Variants in ANKS6 observed in about 807,000 individuals in gnomAD.
ANKS6 encodes the protein ankyrin repeat and SAM domain-containing protein 6.
A neutral mutation model predicts 77.9 loss-of-function variants in ANKS6; 47 were observed. The observed-to-expected ratio is 0.60, with a 90% CI of 0.48 to 0.77. The LOEUF (loss-of-function observed/expected upper bound fraction) is 0.77, where lower values mean the gene tolerates loss of function less well. ANKS6 is among the 30% of genes least tolerant of loss of function. ANKS6 has a pLI of 0.00. For synonymous variants in ANKS6, 488 were observed against 501.7 expected (o/e 0.97, Z 0.37); for missense variants, 1,150 against 1,159.1 (o/e 0.99, Z 0.11).
At chr9:98,769,324 T>C (rs544850519) in intron 10 of ANKS6, among the ~76,000 whole-genome samples, 1 of 152,214 alleles carries the variant, frequency 6.6e-6, no homozygotes, top group Non-Finnish European at 1.5e-5. Context: ...AAAATAGGCA[T>C]ACTCACAAAC....
chr9:98,771,261 T>C lies in ANKS6; in HGVS notation c.1822-215A>G, dbSNP rs72735326. On this transcript the variant is annotated intron_variant, in intron 9 of 14. Transcript: ENST00000353234. ...CTTGCCCATTAGCTCAGTGAATCCA[T>C]GTCACATCATTTCCCATGGGCCACC... Among the ~76,000 whole-genome samples, 32,751 of 152,186 alleles carry C rather than the reference T, an allele frequency of 0.22. 3,934 individuals carry two copies. The highest frequency in any genetic ancestry group is 0.35 in the East Asian group (1,825 of 5,152).
chr9:98,735,295 C>T lies in ANKS6; in HGVS notation c.*1224G>A. The T allele has an allele frequency of 1.0e-6, 1 of 997,568 alleles. No individual in the cohort carries two copies. The highest frequency in any genetic ancestry group is 1.2e-6 in the Non-Finnish European group (1 of 838,320). 61.8% of individuals were successfully genotyped at this position (997,568 alleles called of 1,614,324 possible). ...TCGGGACCATCTATTTACAGGTGTT[C>T]TCTTGCCTGTCGAGAGCCTGAAGGC... On this transcript the variant is annotated 3_prime_UTR_variant, in exon 15 of 15. Coordinates refer to ENST00000353234, the MANE Select transcript of ANKS6 (RefSeq NM_173551.5).
At chr9:98,746,091 C>T (rs1354274678) in intron 13 of ANKS6, 1 of 167,998 alleles carries the variant, frequency 6.0e-6, no homozygotes, top group East Asian at 1.6e-4. Flanking sequence ...GAGACAGAGA[C>T]AGACTGTGGA....
chr9:98,794,215 A>C (rs1382440857), intron 1 of ANKS6, among the ~76,000 whole-genome samples: 1 of 151,780 alleles, frequency 6.6e-6, no homozygotes, highest in African/African-American at 2.4e-5. Flanking sequence ...AAACACCCAC[A>C]AAAGACCAAA....
chr9:98,739,787 T>C (rs1831718884), intron 14 of ANKS6, among the ~76,000 whole-genome samples: 1 of 134,232 alleles, frequency 7.4e-6, no homozygotes, highest in Non-Finnish European at 1.5e-5. Context: ...GACGGAGTCT[T>C]GCTGTCGCCC....
chr9:98,733,271 G>A lies in ANKS6; in HGVS notation c.*3248C>T. On this transcript the variant is annotated 3_prime_UTR_variant, in exon 15 of 15. Coordinates refer to ENST00000353234, the MANE Select transcript of ANKS6 (RefSeq NM_173551.5). ...CTCCATGTAATTTTGTGGCGCTGAA[G>A]AAGAGAGGCAGGAGCCCTCCGTGGC... 1 of 985,546 alleles carries A rather than the reference G, an allele frequency of 1.0e-6. No individual in the cohort carries two copies. The highest frequency in any genetic ancestry group is 4.7e-5 in the South Asian group (1 of 21,286). 61.1% of individuals were successfully genotyped at this position (985,546 alleles called of 1,614,324 possible).
At chr9:98,766,917 T>C (rs767860738) in intron 11 of ANKS6, among the ~76,000 whole-genome samples, 103 of 151,904 alleles carry the variant, frequency 6.8e-4, no homozygotes, top group Non-Finnish European at 4.6e-4. Flanking sequence ...CTATGAAGAG[T>C]GGGGTTTTGC....
chr9:98,733,059 C>T lies in ANKS6; in HGVS notation c.*3460G>A, dbSNP rs796655275. On this transcript the variant is annotated 3_prime_UTR_variant, in exon 15 of 15. Coordinates refer to ENST00000353234, the MANE Select transcript of ANKS6 (RefSeq NM_173551.5). ...GCTGTATACCCAGCAGGCTTCATCA[C>T]CACACCATCTCACCGACATGATTGT... 3.9e-5 allele frequency: 32 copies of T among 812,462 alleles called. No homozygotes were observed. The African/African-American group carries it at 5.6e-4, about 14-fold the overall frequency. 50.3% of individuals were successfully genotyped at this position (812,462 alleles called of 1,614,324 possible).
In ANKS6 at chr9:98,772,100, C is replaced by T. The variant is rs553847871; in HGVS notation, c.1822-1054G>A. ...ATACACAGTGTCCTAATTCCCAGAACCTTTGACTGTTACCTTATGAGGCAT... is the reference window on the plus strand; with the variant it reads ...ATACACAGTGTCCTAATTCCCAGAATCTTTGACTGTTACCTTATGAGGCAT... On this transcript the variant is annotated intron_variant, in intron 9 of 14. Transcript: ENST00000353234. Among the ~76,000 whole-genome samples, 65 of 152,318 alleles carry T rather than the reference C, an allele frequency of 4.3e-4. No individual in the cohort carries two copies. In the South Asian group the frequency reaches 0.013, roughly 31 times the overall value.
At position 98,778,642 on chromosome 9, in the gene ANKS6, C is replaced by T. The variant is rs967298120; in HGVS notation, c.1369-218G>A. On this transcript the variant is annotated intron_variant, in intron 6 of 14. Transcript: ENST00000353234. ...TGACCCAGCCCTTAGGCAGTCACTTCCAATAGCCTGGAGGTGGCAGTGAAC... is the reference window on the plus strand; with the variant it reads ...TGACCCAGCCCTTAGGCAGTCACTTTCAATAGCCTGGAGGTGGCAGTGAAC... Among the ~76,000 whole-genome samples the T allele has an allele frequency of 3.3e-5, 5 of 152,226 alleles. No individual in the cohort carries two copies. The East Asian group carries it at 9.6e-4, about 29-fold the overall frequency.
intron 11 of ANKS6, among the ~76,000 whole-genome samples, chr9:98,757,571 T>C (rs1244680488): frequency 2.0e-5 from 3 of 152,168 alleles, no homozygotes; most frequent in Non-Finnish European, 2.9e-5. Context: ...GATGGTAACC[T>C]TCATCACTTA....
At chr9:98,759,105 T>C (rs1353019693) in intron 11 of ANKS6, among the ~76,000 whole-genome samples, 1 of 152,136 alleles carries the variant, frequency 6.6e-6, no homozygotes, top group Non-Finnish European at 1.5e-5. Flanking sequence ...CACAATTCCA[T>C]GGGATCTGAA....
At chr9:98,740,267 T>A (rs1278909820) in intron 14 of ANKS6, among the ~76,000 whole-genome samples, 1 of 152,092 alleles carries the variant, frequency 6.6e-6, no homozygotes, top group African/African-American at 2.4e-5. Flanking sequence ...GACAGTAAGA[T>A]TCTCCCTTCA....
At position 98,733,202 on chromosome 9, in the gene ANKS6, A is replaced by G. The variant is rs1286031367; in HGVS notation, c.*3317T>C. 4.1e-6 allele frequency: 4 copies of G among 985,372 alleles called. No individual in the cohort carries two copies. Among genetic ancestry groups the G allele is most frequent in the Non-Finnish European group, 4.8e-6 (4 of 829,872 alleles). 61.0% of individuals were successfully genotyped at this position (985,372 alleles called of 1,614,324 possible). A position where few individuals can be genotyped will look rare whatever the true frequency, so the allele number is the denominator to read the frequency against. On this transcript the variant is annotated 3_prime_UTR_variant, in exon 15 of 15. Transcript: ENST00000353234. ...GATGCTCAGTAAACGTTCGGTAAACAAAAGAATTAAAAAATAAACAATCTC... is the reference window on the plus strand; with the variant it reads ...GATGCTCAGTAAACGTTCGGTAAACGAAAGAATTAAAAAATAAACAATCTC...
At chr9:98,763,539 A>C (rs1292160845) in intron 11 of ANKS6, among the ~76,000 whole-genome samples, 1 of 152,022 alleles carries the variant, frequency 6.6e-6, no homozygotes. Flanking sequence ...AAAAAGAAAG[A>C]TCTCTAAACT....
At position 98,783,871 on chromosome 9, in the gene ANKS6, C is replaced by G. The variant is rs554138041; in HGVS notation, c.1112+82G>C. On this transcript the variant is annotated intron_variant, in intron 4 of 14. Transcript: ENST00000353234. ...GGGTTTGTATGCAGCATCTCAGGAC[C>G]AGAAGAGCCCATTGGGAACCTCCAT... The G allele has an allele frequency of 1.3e-4, 167 of 1,288,452 alleles. 1 individual carries two copies. The Middle Eastern group carries it at 2.3e-3, about 18-fold the overall frequency. The allele number at this position is 1,288,452 out of a possible 1,614,324, so 79.8% of individuals were successfully genotyped here. A position where few individuals can be genotyped will look rare whatever the true frequency, so the allele number is the denominator to read the frequency against.
At chr9:98,750,586 G>A (rs1230122931) in intron 13 of ANKS6, among the ~76,000 whole-genome samples, 1 of 152,120 alleles carries the variant, frequency 6.6e-6, no homozygotes, top group Non-Finnish European at 1.5e-5. Flanking sequence ...ATATTTTGAG[G>A]AAGTGCCAAA....
At chr9:98,783,889 A>G in intron 4 of ANKS6, 64 bp downstream of exon 4, 1 of 1,394,204 alleles carries the variant, frequency 7.2e-7, no homozygotes. Context: ...CCCATTGGGA[A>G]CCTCCATCTC....
chr9:98,772,280 G>C (rs1485711288), intron 9 of ANKS6, among the ~76,000 whole-genome samples: 1 of 152,160 alleles, frequency 6.6e-6, no homozygotes, highest in Admixed American at 6.5e-5. Flanking sequence ...GACAAATGAG[G>C]AAGCAATGTG....
Sources: gnomAD v4.1 joint callset for allele counts (sites outside exome capture counted in the v4.1 genomes callset) on GRCh38, gnomAD v4.1.1 for gene constraint, MANE v1.5 for transcripts, NCBI Gene and HGNC (gene_info 2026-07-23, HGNC 2026-07-21) for gene names.